The following SYNE2 variants were observed in gnomAD, a reference collection of about 807,000 sequenced individuals.
SYNE2 encodes spectrin repeat containing nuclear envelope protein 2, also known as nesprin-2.
Under a neutral mutation model 856.3 loss-of-function variants are expected in SYNE2, and 431 were observed. The ratio of observed to expected loss-of-function variants is 0.50; its 90% confidence interval spans 0.47 to 0.55. The LOEUF (loss-of-function observed/expected upper bound fraction) is 0.55, where lower values mean the gene tolerates loss of function less well. Among genes scored for constraint, SYNE2 ranks in the 20% least tolerant of loss-of-function variants. The pLI, the probability that SYNE2 is intolerant of heterozygous loss-of-function variation, is 0.00. For missense variants in SYNE2, 8,129 were observed against 8,023.2 expected, an observed-to-expected ratio of 1.01 and a Z score of -0.50; for synonymous variants, 2,923 against 2,872.3, an observed-to-expected ratio of 1.02 and a Z score of -0.56.
intron 2 of SYNE2, among the ~76,000 whole-genome samples, chr14:63,934,136 C>T (rs902717080): frequency 6.6e-6 from 1 of 152,168 alleles, no homozygotes; most frequent in Non-Finnish European, 1.5e-5. Context: ...GATGAAGAGG[C>T]ATTCTCTAAG....
intron 53 of SYNE2, among the ~76,000 whole-genome samples, chr14:64,075,269 C>T (rs1194441210): frequency 6.6e-6 from 1 of 152,212 alleles, no homozygotes; most frequent in Non-Finnish European, 1.5e-5. Context: ...TATTTTTCCA[C>T]TTGATCTTTG....
intron 1 of SYNE2, among the ~76,000 whole-genome samples, chr14:63,777,078 C>T (rs1469859576): frequency 6.6e-6 from 1 of 152,228 alleles, no homozygotes; most frequent in African/African-American, 2.4e-5. Context: ...AAATCACATA[C>T]AGCAGCCCAA....
At chr14:63,907,553 C>T (rs2095422987) in intron 1 of SYNE2, among the ~76,000 whole-genome samples, 1 of 151,864 alleles carries the variant, frequency 6.6e-6, no homozygotes, top group South Asian at 2.1e-4. Flanking sequence ...TGCCTGTATA[C>T]AGTAAGTACT....
At chr14:64,001,336 G>A (rs143613508) in intron 28 of SYNE2, among the ~76,000 whole-genome samples, 548 of 152,276 alleles carry the variant, frequency 3.6e-3, no homozygotes, top group Middle Eastern at 0.01. Flanking sequence ...AAAGAGAAAG[G>A]CTTAGTATGT....
intron 9 of SYNE2, 69 bp downstream of exon 9, chr14:63,961,694 C>A: frequency 1.7e-6 from 2 of 1,150,760 alleles, no homozygotes; most frequent in South Asian, 1.3e-5. Context: ...TTTTTAAAAT[C>A]AAGATATAAT....
At chr14:64,197,989 T>G (rs1366239693) in intron 99 of SYNE2, among the ~76,000 whole-genome samples, 1 of 152,212 alleles carries the variant, frequency 6.6e-6, no homozygotes, top group Non-Finnish European at 1.5e-5. Context: ...TAGAAAACAT[T>G]TTGCTTTTGT....
At chr14:64,037,992 C>G (rs1241193607) in intron 45 of SYNE2, among the ~76,000 whole-genome samples, 14 of 152,062 alleles carry the variant, frequency 9.2e-5, no homozygotes, top group Admixed American at 7.2e-4. Context: ...GGAGACGCTC[C>G]TCACTTCCCA....
chr14:64,107,510 G>A lies in SYNE2; in HGVS notation c.12512G>A (p.Ser4171Asn), dbSNP rs758662885. Residue 4171 changes from serine (S) to asparagine (N), a missense_variant, in exon 65 of 116, where the codon AGC (serine) becomes AAC (asparagine). Transcript: ENST00000555002. ...TTACAGGAAGCATATGGGAAAATAA[G>A]CACCTCTGATAATTCCATGGCACAA... ...TIVQEAYGKI[S>N]TSDNSMAQIL... 28 of 1,614,098 alleles carry A rather than the reference G, an allele frequency of 1.7e-5. No homozygotes were observed. Among genetic ancestry groups the A allele is most frequent in the Non-Finnish European group, 2.4e-5 (28 of 1,179,974 alleles).
intron 62 of SYNE2, 78 bp downstream of exon 62, chr14:64,098,224 C>T: frequency 6.7e-7 from 1 of 1,488,838 alleles, no homozygotes; most frequent in East Asian, 2.3e-5. Flanking sequence ...CCTGAACGAC[C>T]TGTGGCATCT....
chr14:64,180,653 G>A lies in SYNE2; in HGVS notation c.17556+3170G>A, dbSNP rs575752000. Among the ~76,000 whole-genome samples, 5 of 152,012 alleles carry A rather than the reference G, an allele frequency of 3.3e-5. No homozygotes were observed. In the East Asian group the frequency reaches 5.8e-4, roughly 18 times the overall value. ...CAAGTAGCTGGGATTATAGGCACCC[G>A]CCACCACGCCCAGCTAATTTTTGTA... On this transcript the variant is annotated intron_variant, in intron 96 of 115. Transcript: ENST00000555002.
At chr14:64,078,082 A>C (rs2097483738) in intron 54 of SYNE2, among the ~76,000 whole-genome samples, 1 of 152,230 alleles carries the variant, frequency 6.6e-6, no homozygotes, top group African/African-American at 2.4e-5. Flanking sequence ...ATAAAATGGA[A>C]AGATTGTATA....
chr14:64,042,810 G>A (rs987299729), intron 45 of SYNE2, among the ~76,000 whole-genome samples: 4 of 152,068 alleles, frequency 2.6e-5, no homozygotes, highest in African/African-American at 9.7e-5. Flanking sequence ...AGCACCATGA[G>A]AACAAACTAA....
rs1555450521 is a variant in SYNE2 at position 64,048,032 on chromosome 14, ACTTTCT to A, written c.7258_7263del (p.Ser2420_Leu2421del). On this transcript the variant is annotated inframe_deletion, in exon 46 of 116. Coordinates refer to ENST00000555002, the MANE Select transcript of SYNE2 (RefSeq NM_182914.3). ...CTGTGGAAATGGCTATGTCAAAACAACTTTCTCTTAATGCTCAAGAAAGCATGAAAA... is the reference window on the plus strand; with the variant it reads ...CTGTGGAAATGGCTATGTCAAAACAACTTAATGCTCAAGAAAGCATGAAAA... 6.2e-7 allele frequency: 1 copy of A among 1,613,886 alleles called. No individual in the cohort carries two copies. The highest frequency in any genetic ancestry group is 8.5e-7 in the Non-Finnish European group (1 of 1,179,874).
At chr14:63,863,846 T>C (rs574241218) in intron 1 of SYNE2, among the ~76,000 whole-genome samples, 45 of 152,282 alleles carry the variant, frequency 3.0e-4, no homozygotes, top group Admixed American at 9.2e-4. Context: ...TTTTTCGAGA[T>C]GGAGTTTCGC....
chr14:64,002,789 T>C lies in SYNE2; in HGVS notation c.3856T>C (p.Leu1286=), dbSNP rs375975626. 6.2e-7 allele frequency: 1 copy of C among 1,613,708 alleles called. No individual in the cohort carries two copies. Among genetic ancestry groups the C allele is most frequent in the Non-Finnish European group, 8.5e-7 (1 of 1,179,974 alleles). ...NRLEEPGNFV[L]KELHPFDLHA... ...CTTAGAAGAGCCAGGCAACTTTGTATTAAAGGAGTTACACCCATTTGATCT... is the reference window on the plus strand; with the variant it reads ...CTTAGAAGAGCCAGGCAACTTTGTACTAAAGGAGTTACACCCATTTGATCT... Residue 1286 remains leucine, a synonymous_variant, in exon 30 of 116, where the codon TTA becomes CTA. Transcript: ENST00000555002.
intron 30 of SYNE2, among the ~76,000 whole-genome samples, chr14:64,004,458 T>C (rs1483700901): frequency 6.6e-6 from 1 of 152,018 alleles, no homozygotes; most frequent in Non-Finnish European, 1.5e-5. Flanking sequence ...AGCCCCCCAG[T>C]AGCTGGGATT....
chr14:63,794,420 C>T (rs1426146657), intron 1 of SYNE2, among the ~76,000 whole-genome samples: 1 of 152,006 alleles, frequency 6.6e-6, no homozygotes, highest in Admixed American at 6.6e-5. Context: ...AAACTCCTGG[C>T]CTCAAATGAT....
At chr14:63,994,918 A>G in intron 22 of SYNE2, 126 bp from the exon 23 acceptor site, 1 of 594,216 alleles carries the variant, frequency 1.7e-6, no homozygotes. Flanking sequence ...TACATGGATG[A>G]ATCAGAATGG....
chr14:63,995,884 T>C (rs1209011573), intron 23 of SYNE2, among the ~76,000 whole-genome samples: 3 of 152,156 alleles, frequency 2.0e-5, no homozygotes, highest in Non-Finnish European at 2.9e-5. Context: ...ATGTTTTGCT[T>C]TTGAAGAAGG....
Sources: allele counts gnomAD v4.1 joint callset (sites outside exome capture counted in the v4.1 genomes callset), GRCh38; gene constraint gnomAD v4.1.1; transcripts MANE v1.5; gene names NCBI Gene and HGNC (gene_info 2026-07-23, HGNC 2026-07-21).